The following WRN variants were observed in gnomAD, a reference collection of about 807,000 sequenced individuals.
WRN encodes the protein bifunctional 3'-5' exonuclease/ATP-dependent helicase WRN.
WRN carries 149 observed loss-of-function variants against 180.7 expected under a neutral mutation model. That is an observed-to-expected ratio of 0.82 (90% CI 0.72 to 0.94). The LOEUF (loss-of-function observed/expected upper bound fraction) is 0.94. WRN is among the 40% of genes least tolerant of loss of function. The pLI is 0.00. For synonymous variants in WRN, 548 were observed against 568.9 expected (o/e 0.96, Z 0.52); for missense variants, 1,661 against 1,700.1 (o/e 0.98, Z 0.40).
chr8:31,169,456 T>C (rs999046407), intron 34 of WRN, among the ~76,000 whole-genome samples: 5 of 152,092 alleles, frequency 3.3e-5, no homozygotes, highest in African/African-American at 1.2e-4. Flanking sequence ...TTTTGAACTT[T>C]TCTAATTTTG....
intron 7 of WRN, among the ~76,000 whole-genome samples, chr8:31,074,136 A>G (rs1459937254): frequency 2.7e-5 from 4 of 149,224 alleles, no homozygotes; most frequent in Non-Finnish European, 5.9e-5. Flanking sequence ...CATGTTAGCC[A>G]GGTTGGTCTC....
In WRN at chr8:31,059,744, T is replaced by G. The variant is rs113318168; in HGVS notation, c.209+479T>G. Among the ~76,000 whole-genome samples, 6 of 152,190 alleles carry G rather than the reference T, an allele frequency of 3.9e-5. 1 individual carries two copies. The highest frequency in any genetic ancestry group is 1.4e-4 in the African/African-American group (6 of 41,540). On this transcript the variant is annotated intron_variant, in intron 3 of 34. Coordinates refer to ENST00000298139, the MANE Select transcript of WRN (RefSeq NM_000553.6). ...AATTAGTAACAGTTGTAGCAAATGA[T>G]CCTTAAAAAATGTTCTAACTAAACA...
At chr8:31,090,374 T>G in intron 13 of WRN, 91 bp from the exon 14 acceptor site, 3 of 1,238,204 alleles carry the variant, frequency 2.4e-6, no homozygotes, top group Non-Finnish European at 3.5e-6. Flanking sequence ...ATAAATTCTA[T>G]GAGAGGAAAT....
At chr8:31,086,292 G>A (rs1813527765) in intron 11 of WRN, among the ~76,000 whole-genome samples, 2 of 152,120 alleles carry the variant, frequency 1.3e-5, no homozygotes, top group Admixed American at 1.3e-4. Context: ...ATATTCTAGG[G>A]CCAGGCATGG....
intron 33 of WRN, among the ~76,000 whole-genome samples, chr8:31,163,622 C>T (rs1173429994): frequency 6.6e-6 from 1 of 152,038 alleles, no homozygotes; most frequent in Non-Finnish European, 1.5e-5. Flanking sequence ...TAATCAGTTT[C>T]ATATCTTTAT....
At chr8:31,139,416 A>G (rs1373124862) in intron 24 of WRN, among the ~76,000 whole-genome samples, 2 of 152,244 alleles carry the variant, frequency 1.3e-5, no homozygotes, top group Non-Finnish European at 2.9e-5. Flanking sequence ...GTAGAAAGGT[A>G]TTTATTACTA....
chr8:31,146,543 G>A (rs1166183374), intron 28 of WRN, among the ~76,000 whole-genome samples: 1 of 151,752 alleles, frequency 6.6e-6, no homozygotes, highest in Admixed American at 6.6e-5. Flanking sequence ...CTCTTACCTA[G>A]TGACATTTTA....
intron 6 of WRN, 56 bp from the exon 7 acceptor site, chr8:31,068,202 C>G: frequency 7.6e-7 from 1 of 1,316,770 alleles, no homozygotes; most frequent in South Asian, 1.3e-5. Context: ...ATGGGACTTA[C>G]TGTTTTATTT....
In WRN at chr8:31,141,545, TG is replaced by T. The variant is rs1802630943; in HGVS notation, c.3085del (p.Val1029Ter). ...CGTCAGCTGATCACTGAGGGATTCT[TG>T]GTAGAAGTTTCTCGGTATAACAAAT... ...FSRQLITEGF[L>X]VEVSRYNKFM... On this transcript the variant is annotated frameshift_variant, in exon 25 of 35. Coordinates refer to ENST00000298139, the MANE Select transcript of WRN (RefSeq NM_000553.6). LOFTEE classifies it high-confidence loss of function. 2 of 1,614,216 alleles carry T rather than the reference TG, an allele frequency of 1.2e-6. No homozygotes were observed. The highest frequency in any genetic ancestry group is 2.7e-5 in the African/African-American group (2 of 75,066).
chr8:31,078,938 T>G (rs1361414819), intron 8 of WRN, among the ~76,000 whole-genome samples: 2 of 152,208 alleles, frequency 1.3e-5, no homozygotes, highest in East Asian at 3.8e-4. Context: ...CTCTTGATAG[T>G]CAATCTGTGC....
At chr8:31,117,933 A>G (rs1010806766) in intron 20 of WRN, among the ~76,000 whole-genome samples, 3 of 152,168 alleles carry the variant, frequency 2.0e-5, no homozygotes, top group African/African-American at 7.2e-5. Context: ...AGTGTCTTGA[A>G]TATTGTCAAA....
rs71208105 is a variant in WRN, at chr8:31,149,455, GTTT to G, written c.3573-852_3573-850del. 6.7e-4 allele frequency among the ~76,000 whole-genome samples: 35 copies of G among 51,986 alleles called. 3 individuals are homozygous for G. Among genetic ancestry groups the G allele is most frequent in the African/African-American group, 2.7e-3 (35 of 13,020 alleles). 34.1% of individuals were successfully genotyped at this position (51,986 alleles called of 152,430 possible). On this transcript the variant is annotated intron_variant, in intron 30 of 34. Transcript: ENST00000298139. ...TCTAAGACCATACTTTAATAGAGGT[GTTT>G]TTTTTTTTTTTTTTTTTTTTTTTTT... is the stretch of plus-strand genomic sequence containing the variant.
chr8:31,089,010 T>G, intron 13 of WRN, 45 bp downstream of exon 13: 1 of 1,559,046 alleles, frequency 6.4e-7, no homozygotes, highest in East Asian at 2.3e-5. Context: ...TAGTATTCTC[T>G]TTAAAACAAG....
Position 31,147,136 on chromosome 8 carries a change from T to C in WRN, c.3459+8T>C. On this transcript the variant is annotated splice_region_variant and intron_variant, in intron 29 of 34. Coordinates refer to ENST00000298139, the MANE Select transcript of WRN (RefSeq NM_000553.6). ...CAAGAGCAGGAGACTCAGGTAAGGCTTTTGTAAAAAGGTAATTAGTTTATG... is the reference window on the plus strand; with the variant it reads ...CAAGAGCAGGAGACTCAGGTAAGGCCTTTGTAAAAAGGTAATTAGTTTATG... 6.2e-7 allele frequency: 1 copy of C among 1,613,426 alleles called. No homozygotes were observed. The highest frequency in any genetic ancestry group is 8.5e-7 in the Non-Finnish European group (1 of 1,179,416).
chr8:31,148,620 T>TG (rs1210726640), intron 30 of WRN, among the ~76,000 whole-genome samples: 2 of 152,188 alleles, frequency 1.3e-5, no homozygotes, highest in African/African-American at 4.8e-5. Context: ...TAAGAATTCT[T>TG]GAAGATCTCG....
At chr8:31,101,686 C>T (rs1800869009) in intron 18 of WRN, among the ~76,000 whole-genome samples, 1 of 148,504 alleles carries the variant, frequency 6.7e-6, no homozygotes, top group African/African-American at 2.5e-5. Context: ...ACTTGGGAGG[C>T]TGAGGCAGGG....
chr8:31,049,095 C>T (rs1215377504), intron 1 of WRN, among the ~76,000 whole-genome samples: 4 of 149,804 alleles, frequency 2.7e-5, no homozygotes, highest in Non-Finnish European at 4.4e-5. Context: ...CCTGTAGTCC[C>T]AGCTACTCCG....
intron 33 of WRN, among the ~76,000 whole-genome samples, chr8:31,160,464 A>T (rs1803568401): frequency 6.6e-6 from 1 of 152,218 alleles, no homozygotes; most frequent in Non-Finnish European, 1.5e-5. Flanking sequence ...ATCAAGGCAG[A>T]GAGAGGAAAA....
At position 31,067,055 on chromosome 8, in the gene WRN, G is replaced by T. The variant is rs748976035; in HGVS notation, c.527G>T (p.Ser176Ile). ...TAGCTGAAATGCACAGAGACCTGGAGCCTTAACAGTCTGGTTAAACACCTC... is the reference window on the plus strand; with the variant it reads ...TAGCTGAAATGCACAGAGACCTGGATCCTTAACAGTCTGGTTAAACACCTC... ...NKKLKCTETW[S>I]LNSLVKHLLG... Residue 176 changes from serine to isoleucine, a missense_variant, in exon 6 of 35, where the codon AGC (serine) becomes ATC (isoleucine). This residue lies in a region of WRN where 500 missense variants were observed against 504.1 expected (regional missense o/e 0.99). Transcript: ENST00000298139. 8.7e-6 allele frequency: 14 copies of T among 1,613,674 alleles called. No homozygotes were observed. The Admixed American group carries it at 2.2e-4, about 25-fold the overall frequency.
Sources: allele counts gnomAD v4.1 joint callset (sites outside exome capture counted in the v4.1 genomes callset), GRCh38; gene constraint gnomAD v4.1.1; regional missense constraint gnomAD v4.1.1; transcripts MANE v1.5; gene names NCBI Gene and HGNC (gene_info 2026-07-23, HGNC 2026-07-21).